Variants in GLDN observed in about 807,000 individuals in gnomAD.
GLDN encodes the protein gliomedin.
In GLDN, 47 loss-of-function variants were observed where a neutral mutation model predicts 56.5. The ratio of observed to expected loss-of-function variants is 0.83; its 90% CI spans 0.66 to 1.06. The LOEUF (loss-of-function observed/expected upper bound fraction) is 1.06, where lower values mean the gene tolerates loss of function less well. GLDN is among the 50% of genes least tolerant of loss of function. The probability of loss-of-function intolerance (pLI) is 0.00; values close to 1 mark genes in which losing one functional copy is unlikely to be tolerated. For missense variants in GLDN, 782 were observed against 714.3 expected (o/e 1.09, Z -1.08); for synonymous variants, 332 against 278.8 (o/e 1.19, Z -1.90).
At chr15:51,371,896 G>T (rs1422932650) in intron 1 of GLDN, among the ~76,000 whole-genome samples, 1 of 152,126 alleles carries the variant, frequency 6.6e-6, no homozygotes, top group Non-Finnish European at 1.5e-5. Flanking sequence ...TATTGGCCAG[G>T]CTGGTCTTGA....
chr15:51,342,183 G>A (rs2036899329), intron 1 of GLDN, 136 bp downstream of exon 1: 10 of 1,133,648 alleles, frequency 8.8e-6, no homozygotes, highest in Non-Finnish European at 1.3e-5. Context: ...ATGAGTAGCT[G>A]GGGATGTCAC....
At chr15:51,396,192 C>T (rs757603733) in intron 5 of GLDN, among the ~76,000 whole-genome samples, 3 of 152,216 alleles carry the variant, frequency 2.0e-5, no homozygotes, top group African/African-American at 7.2e-5. Context: ...ATTGCCTGCA[C>T]GGCCCCTGTT....
intron 1 of GLDN, among the ~76,000 whole-genome samples, chr15:51,368,117 T>C (rs569442494): frequency 1.3e-5 from 2 of 152,288 alleles, no homozygotes; most frequent in African/African-American, 4.8e-5. Flanking sequence ...AATAATATCA[T>C]TGCTTGGGGA....
Position 51,388,682 on chromosome 15 carries a change from A to G in GLDN, c.541+4790A>G, listed in dbSNP as rs113855180. ...AAAGCTAATAAGTGGAGGAGGCAGG[A>G]CTTGAATCCAGGTTTCTCTGACTTC... On this transcript the variant is annotated intron_variant, in intron 4 of 9. Coordinates refer to ENST00000335449, the MANE Select transcript of GLDN (RefSeq NM_181789.4). Among the ~76,000 whole-genome samples the G allele has an allele frequency of 5.8e-3, 888 of 152,344 alleles. 3 individuals carry two copies. Among genetic ancestry groups the G allele is most frequent in the African/African-American group, 0.021 (862 of 41,576 alleles).
chr15:51,352,725 A>G (rs978137825), intron 1 of GLDN, among the ~76,000 whole-genome samples: 1 of 152,232 alleles, frequency 6.6e-6, no homozygotes, highest in Admixed American at 6.5e-5. Flanking sequence ...CTTAGCAAAG[A>G]TTATAATAGT....
At chr15:51,398,623 A>G (rs1360015745) in intron 6 of GLDN, among the ~76,000 whole-genome samples, 1 of 152,216 alleles carries the variant, frequency 6.6e-6, no homozygotes, top group African/African-American at 2.4e-5. Context: ...GCGCACGGTC[A>G]GCTGTCAAAA....
At chr15:51,396,766 T>C (rs139108010) in intron 5 of GLDN, among the ~76,000 whole-genome samples, 170 of 152,246 alleles carry the variant, frequency 1.1e-3, no homozygotes, top group African/African-American at 3.7e-3. Context: ...TCAGACTTGA[T>C]TGAGTGCCTA....
intron 1 of GLDN, among the ~76,000 whole-genome samples, chr15:51,359,978 C>CAAAAAAAAAAA (rs58874237): frequency 8.6e-5 from 8 of 92,712 alleles, no homozygotes; most frequent in Non-Finnish European, 1.8e-4. Context: ...GACTCTGTCT[C>CAAAAAAAAAAA]AAAAAAAAAA....
intron 4 of GLDN, among the ~76,000 whole-genome samples, chr15:51,386,063 G>A (rs1028662712): frequency 7.2e-5 from 11 of 152,152 alleles, no homozygotes; most frequent in African/African-American, 2.7e-4. Context: ...AGAAGGTGTT[G>A]GATTCTGTTT....
At chr15:51,354,287 A>G (rs2037133843) in intron 1 of GLDN, among the ~76,000 whole-genome samples, 1 of 152,164 alleles carries the variant, frequency 6.6e-6, no homozygotes, top group Non-Finnish European at 1.5e-5. Flanking sequence ...TGAGCTGGTG[A>G]TGGCAAAATA....
chr15:51,344,703 A>G (rs914175609), intron 1 of GLDN, among the ~76,000 whole-genome samples: 15 of 152,200 alleles, frequency 9.9e-5, no homozygotes, highest in African/African-American at 3.6e-4. Flanking sequence ...AACTCTATGC[A>G]GACTAATGTC....
At chr15:51,382,886 A>G (rs939999597) in intron 2 of GLDN, among the ~76,000 whole-genome samples, 1 of 152,198 alleles carries the variant, frequency 6.6e-6, no homozygotes, top group Non-Finnish European at 1.5e-5. Context: ...TTGAGTAATT[A>G]CATGCTAAGG....
chr15:51,372,741 C>T (rs2037542088), intron 1 of GLDN, among the ~76,000 whole-genome samples: 1 of 152,186 alleles, frequency 6.6e-6, no homozygotes, highest in Non-Finnish European at 1.5e-5. Context: ...CACTTCTCAG[C>T]AGAGAAGTTC....
At chr15:51,344,587 C>T (rs2036944218) in intron 1 of GLDN, among the ~76,000 whole-genome samples, 1 of 152,146 alleles carries the variant, frequency 6.6e-6, no homozygotes, top group Non-Finnish European at 1.5e-5. Context: ...GTGAAGGCTA[C>T]ACCTTCCCTG....
chr15:51,361,819 A>T (rs1255556726), intron 1 of GLDN, among the ~76,000 whole-genome samples: 1 of 152,136 alleles, frequency 6.6e-6, no homozygotes, highest in Non-Finnish European at 1.5e-5. Flanking sequence ...AATTCCAGCT[A>T]CTCAGGAGGC....
intron 1 of GLDN, among the ~76,000 whole-genome samples, chr15:51,361,330 A>G (rs142145033): frequency 5.8e-4 from 89 of 152,238 alleles, no homozygotes; most frequent in African/African-American, 2.0e-3. Context: ...GTTTTTTGCT[A>G]TGCCTCTACT....
rs1250496086 is a variant in GLDN, at chr15:51,397,516, C to CCCTCCAGGA, written c.743_744insACCTCCAGG (p.Pro252_Gly254dup). ...CACCCGGTCCACCTGGGCCCCCAGG[C>CCCTCCAGGA]CCTCCAGGTCCTCCAGGGCCCCCTG... On this transcript the variant is annotated inframe_insertion, in exon 6 of 10. Coordinates refer to ENST00000335449, the MANE Select transcript of GLDN (RefSeq NM_181789.4). The CCCTCCAGGA allele has an allele frequency of 6.3e-7, 1 of 1,593,904 alleles. No homozygotes were observed. Among genetic ancestry groups the CCCTCCAGGA allele is most frequent in the African/African-American group, 1.3e-5 (1 of 74,196 alleles).
At chr15:51,342,328 A>C (rs371859392) in intron 1 of GLDN, among the ~76,000 whole-genome samples, 33 of 152,222 alleles carry the variant, frequency 2.2e-4, no homozygotes, top group African/African-American at 8.0e-4. Context: ...CAGTGTTTCT[A>C]AGAGCCTATT....
intron 1 of GLDN, among the ~76,000 whole-genome samples, chr15:51,370,762 TG>T (rs2037499859): frequency 6.6e-6 from 1 of 151,948 alleles, no homozygotes; most frequent in Non-Finnish European, 1.5e-5. Context: ...GAGGCTGAGG[TG>T]GGCAGATCAC....
Sources: gnomAD v4.1 joint callset for allele counts (sites outside exome capture counted in the v4.1 genomes callset) on GRCh38, gnomAD v4.1.1 for gene constraint, MANE v1.5 for transcripts, NCBI Gene and HGNC (gene_info 2026-07-23, HGNC 2026-07-21) for gene names.